MINDY4: variants seen among roughly 807,000 people sequenced by gnomAD.
MINDY4 encodes the protein MINDY lysine 48 deubiquitinase 4.
In MINDY4, 68 loss-of-function variants were observed where a neutral mutation model predicts 87.0. The observed-to-expected ratio is 0.78, with a 90% confidence interval of 0.64 to 0.96. MINDY4 has a LOEUF of 0.96. MINDY4 is among the 40% of genes least tolerant of loss of function. MINDY4 has a pLI of 0.00. For synonymous variants in MINDY4, 379 were observed against 363.2 expected (o/e 1.04, Z -0.50); for missense variants, 919 against 928.2 (o/e 0.99, Z 0.13).
At position 30,791,564 on chromosome 7, in the gene MINDY4, G is replaced by A. The variant is rs151089199; in HGVS notation, c.1063G>A (p.Ala355Thr). ...GTTCAAACGGCAGGGCAGCCAGCCC[G>A]CACCTGTCAGGTGAGTGTGCTATGC... ...RAFKRQGSQP[A>T]PVRKNQLLPS... The change falls in exon 5 of 18, where the codon GCA becomes ACA. Residue 355 changes from alanine (A) to threonine (T), a missense_variant. By Grantham distance (58) the Ala-to-Thr change is moderately conservative. Transcript: ENST00000265299. 5.5e-4 allele frequency: 887 copies of A among 1,610,470 alleles called. 4 individuals carry two copies. The African/African-American group carries it at 0.01, about 19-fold the overall frequency.
chr7:30,807,826 C>G (rs1321629270), intron 5 of MINDY4, among the ~76,000 whole-genome samples: 1 of 152,206 alleles, frequency 6.6e-6, no homozygotes, highest in Admixed American at 6.5e-5. Context: ...TCACGACCCT[C>G]TCACGCGGAC....
Position 30,867,136 on chromosome 7 carries a change from C to T in MINDY4, c.1746-5107C>T, listed in dbSNP as rs183520527. Among the ~76,000 whole-genome samples, 206 of 152,284 alleles carry T rather than the reference C, an allele frequency of 1.4e-3. 1 individual carries two copies. The highest frequency in any genetic ancestry group is 4.5e-3 in the African/African-American group (187 of 41,566). On this transcript the variant is annotated intron_variant, in intron 13 of 17. Transcript: ENST00000265299. ...ATGGAAAGCGATTTACCAAAGGTCA[C>T]GCAGTGCAGGTGGCAGAAGGGGCCT...
intron 12 of MINDY4, among the ~76,000 whole-genome samples, chr7:30,855,924 C>G (rs1172925734): frequency 2.0e-5 from 3 of 152,278 alleles, no homozygotes; most frequent in South Asian, 2.1e-4. Context: ...CTCAGCACTG[C>G]CCTCACCAAA....
chr7:30,892,096 A>C lies in MINDY4; in HGVS notation c.*91A>C, dbSNP rs1790809507. ...ACCCCAAGCCTCTGGGGCAGGTCTC[A>C]TGTACCCCAACCTGGGTCAGCATGA... On this transcript the variant is annotated 3_prime_UTR_variant, in exon 18 of 18. Coordinates refer to ENST00000265299, the MANE Select transcript of MINDY4 (RefSeq NM_032222.3). 7.3e-4 allele frequency: 1,023 copies of C among 1,393,854 alleles called. No individual in the cohort carries two copies. The highest frequency in any genetic ancestry group is 9.2e-4 in the Non-Finnish European group (900 of 982,188). The allele number at this position is 1,393,854 out of a possible 1,614,324, so 86.3% of individuals were successfully genotyped here.
chr7:30,864,989 G>T (rs10215362), intron 13 of MINDY4, among the ~76,000 whole-genome samples: 4,791 of 152,270 alleles, frequency 0.031, 239 homozygotes, highest in African/African-American at 0.1. Context: ...AGAATCACGG[G>T]CTCTTGGAGG....
At chr7:30,852,648 G>A (rs1789449038) in intron 11 of MINDY4, among the ~76,000 whole-genome samples, 1 of 152,136 alleles carries the variant, frequency 6.6e-6, no homozygotes, top group South Asian at 2.1e-4. Context: ...TAAGGAGAGG[G>A]AGAGAAAGTT....
intron 16 of MINDY4, 145 bp downstream of exon 16, chr7:30,882,506 G>C (rs1404183171): frequency 1.1e-5 from 9 of 788,410 alleles, no homozygotes; most frequent in African/African-American, 1.7e-5. Context: ...GGATCAGAGA[G>C]CCAATGCCAG....
intron 6 of MINDY4, among the ~76,000 whole-genome samples, chr7:30,829,141 G>A (rs1788617612): frequency 6.6e-6 from 1 of 152,222 alleles, no homozygotes; most frequent in Non-Finnish European, 1.5e-5. Flanking sequence ...TATTATGGAG[G>A]CATAAGACAC....
chr7:30,873,028 C>T (rs1790152396), intron 14 of MINDY4, among the ~76,000 whole-genome samples: 1 of 152,236 alleles, frequency 6.6e-6, no homozygotes, highest in Admixed American at 6.5e-5. Context: ...CAGAGCTGCA[C>T]ATCTTCTGGG....
chr7:30,879,393 G>A (rs965323165), intron 15 of MINDY4, among the ~76,000 whole-genome samples: 4 of 152,274 alleles, frequency 2.6e-5, no homozygotes, highest in Admixed American at 1.3e-4. Flanking sequence ...TCCAGCTTCC[G>A]GAACTCTGAG....
chr7:30,815,054 C>T lies in MINDY4; in HGVS notation c.1074-13625C>T, dbSNP rs531798706. Among the ~76,000 whole-genome samples the T allele has an allele frequency of 5.3e-5, 8 of 152,330 alleles. No homozygotes were observed. In the East Asian group the frequency reaches 1.5e-3, roughly 29 times the overall value. On this transcript the variant is annotated intron_variant, in intron 5 of 17. Coordinates refer to ENST00000265299, the MANE Select transcript of MINDY4 (RefSeq NM_032222.3). The stretch of plus-strand genomic sequence containing the variant: ...CCTCTCGTTGGTGCAGCTTACTTCC[C>T]TGACACGTTGGTTGGTCTTTATAAG...
chr7:30,812,157 G>A (rs1030858702), intron 5 of MINDY4, among the ~76,000 whole-genome samples: 1 of 152,020 alleles, frequency 6.6e-6, no homozygotes, highest in South Asian at 2.1e-4. Flanking sequence ...TGGCAGGAGA[G>A]CGTCCTTATT....
At chr7:30,868,699 CG>C (rs1291955646) in intron 13 of MINDY4, among the ~76,000 whole-genome samples, 2 of 152,212 alleles carry the variant, frequency 1.3e-5, no homozygotes, top group African/African-American at 4.8e-5. Flanking sequence ...CTTGATACAG[CG>C]TAGTATCTCA....
intron 5 of MINDY4, among the ~76,000 whole-genome samples, chr7:30,807,517 C>T (rs181079039): frequency 2.6e-5 from 4 of 152,038 alleles, no homozygotes; most frequent in South Asian, 2.1e-4. Context: ...AAAAAAAAGC[C>T]GGTCTGGTCT....
Position 30,786,008 on chromosome 7 carries a change from T to C in MINDY4, c.663+16T>C. 1.2e-6 allele frequency: 2 copies of C among 1,613,182 alleles called. No homozygotes were observed. Among genetic ancestry groups the C allele is most frequent in the Non-Finnish European group, 8.5e-7 (1 of 1,179,616 alleles). ...CTCCCCACAGGTGGGGCTGTTGCTC[T>C]TTCTGTTGTTATGGGACTGGAGGCT... On this transcript the variant is annotated intron_variant, in intron 4 of 17. Coordinates refer to ENST00000265299, the MANE Select transcript of MINDY4 (RefSeq NM_032222.3).
chr7:30,881,196 G>A (rs1790454307), intron 15 of MINDY4, among the ~76,000 whole-genome samples: 2 of 152,146 alleles, frequency 1.3e-5, no homozygotes, highest in Non-Finnish European at 2.9e-5. Context: ...GCCAAGAAGT[G>A]TCAGGGGCTG....
At chr7:30,828,639 G>A in intron 5 of MINDY4, 40 bp from the exon 6 acceptor site, 1 of 1,598,520 alleles carries the variant, frequency 6.3e-7, no homozygotes, top group Non-Finnish European at 8.6e-7. Context: ...ACATTTCTCT[G>A]TCAGTCTCCT....
intron 6 of MINDY4, 91 bp downstream of exon 6, chr7:30,828,828 T>G: frequency 7.9e-7 from 1 of 1,259,460 alleles, no homozygotes; most frequent in Non-Finnish European, 1.1e-6. Context: ...CGGGGGCCCC[T>G]TTCCTTCCAC....
intron 5 of MINDY4, among the ~76,000 whole-genome samples, chr7:30,810,963 G>C (rs1787978310): frequency 1.3e-5 from 2 of 151,926 alleles, no homozygotes; most frequent in African/African-American, 4.8e-5. Flanking sequence ...TTATATACTT[G>C]GTTTATCTTC....
Sources: gnomAD v4.1 joint callset for allele counts (sites outside exome capture counted in the v4.1 genomes callset) on GRCh38, gnomAD v4.1.1 for gene constraint, MANE v1.5 for transcripts, NCBI Gene and HGNC (gene_info 2026-07-23, HGNC 2026-07-21) for gene names.